Variants in MACROD2 observed in about 807,000 individuals in gnomAD.
The protein encoded by MACROD2 is mono-ADP ribosylhydrolase 2.
In MACROD2, 36 loss-of-function variants were observed where a neutral mutation model predicts 70.4. The observed-to-expected ratio is 0.51, with a 90% CI of 0.39 to 0.68. MACROD2 has a LOEUF of 0.68. Ranked by LOEUF, MACROD2 falls within the 30% of genes least tolerant of loss-of-function variation. The pLI is 0.00. For synonymous variants in MACROD2, 172 were observed against 178.8 expected (o/e 0.96, Z 0.30); for missense variants, 496 against 538.4 (o/e 0.92, Z 0.78).
intron 3 of MACROD2, among the ~76,000 whole-genome samples, chr20:14,417,421 G>A (rs2083821169): frequency 6.6e-6 from 1 of 152,126 alleles, no homozygotes; most frequent in Non-Finnish European, 1.5e-5. Context: ...GACAGAAAAT[G>A]ATAGGAAAGT....
At chr20:14,134,923 A>G (rs1306815831) in intron 3 of MACROD2, among the ~76,000 whole-genome samples, 2 of 151,998 alleles carry the variant, frequency 1.3e-5, no homozygotes, top group Non-Finnish European at 2.9e-5. Context: ...AGCTATTTCC[A>G]TTAAATATTT....
chr20:14,119,686 A>G (rs879915244), intron 3 of MACROD2, among the ~76,000 whole-genome samples: 7 of 152,170 alleles, frequency 4.6e-5, no homozygotes, highest in Admixed American at 2.0e-4. Context: ...TGACACTTAT[A>G]TGTCAAATAG....
chr20:15,738,132 A>G (rs2051052114), intron 8 of MACROD2, among the ~76,000 whole-genome samples: 1 of 152,192 alleles, frequency 6.6e-6, no homozygotes, highest in African/African-American at 2.4e-5. Flanking sequence ...AGTATTTGAT[A>G]GCACAGCAGG....
At chr20:15,843,259 A>G (rs1027005484) in intron 8 of MACROD2, among the ~76,000 whole-genome samples, 1 of 152,202 alleles carries the variant, frequency 6.6e-6, no homozygotes, top group African/African-American at 2.4e-5. Flanking sequence ...GGTTAGAACA[A>G]GTTCAAAGAA....
At chr20:15,827,067 G>C (rs1277571131) in intron 8 of MACROD2, among the ~76,000 whole-genome samples, 1 of 152,118 alleles carries the variant, frequency 6.6e-6, no homozygotes, top group South Asian at 2.1e-4. Flanking sequence ...TTTCTTGAAA[G>C]CCATTTTCTT....
intron 5 of MACROD2, among the ~76,000 whole-genome samples, chr20:14,695,899 G>A (rs2071120158): frequency 6.6e-6 from 1 of 152,102 alleles, no homozygotes; most frequent in African/African-American, 2.4e-5. Context: ...TTAAGTGCAG[G>A]GTAATTTGTT....
intron 6 of MACROD2, among the ~76,000 whole-genome samples, chr20:15,341,566 G>C (rs1427515991): frequency 2.0e-5 from 3 of 152,162 alleles, no homozygotes; most frequent in Non-Finnish European, 1.5e-5. Context: ...TAATGGTTTT[G>C]ACATATGTTA....
chr20:14,849,447 G>A (rs1199089006), intron 5 of MACROD2, among the ~76,000 whole-genome samples: 8 of 152,080 alleles, frequency 5.3e-5, no homozygotes, highest in Admixed American at 4.6e-4. Flanking sequence ...AGTAGGGAGT[G>A]AAGTCTAGGC....
intron 3 of MACROD2, among the ~76,000 whole-genome samples, chr20:14,093,567 G>A (rs6042526): frequency 0.013 from 1,926 of 152,114 alleles, 40 homozygotes; most frequent in African/African-American, 0.044. Flanking sequence ...ACCTCATGGG[G>A]ATGCTTGAAA....
chr20:14,576,769 A>T (rs1275283225), intron 4 of MACROD2, among the ~76,000 whole-genome samples: 2 of 152,226 alleles, frequency 1.3e-5, no homozygotes, highest in African/African-American at 4.8e-5. Flanking sequence ...TGGAGAAATG[A>T]AAAAGCAGTG....
At chr20:15,375,357 A>G (rs2045548242) in intron 6 of MACROD2, among the ~76,000 whole-genome samples, 1 of 152,122 alleles carries the variant, frequency 6.6e-6, no homozygotes, top group African/African-American at 2.4e-5. Context: ...GAAGAAAATT[A>G]AGCCTCCCCA....
chr20:14,024,973 A>G (rs2053140901), intron 2 of MACROD2, among the ~76,000 whole-genome samples: 1 of 152,200 alleles, frequency 6.6e-6, no homozygotes, highest in Admixed American at 6.5e-5. Flanking sequence ...TGACTCTGGT[A>G]GAATTCAATT....
chr20:14,190,673 C>CATGTATAT (rs1296053558), intron 3 of MACROD2, among the ~76,000 whole-genome samples: 1 of 39,134 alleles, frequency 2.6e-5, no homozygotes, highest in African/African-American at 1.3e-4. Context: ...GTATTCATTC[C>CATGTATAT]ATATATATAT....
chr20:15,070,546 T>A (rs928040642), intron 5 of MACROD2, among the ~76,000 whole-genome samples: 3 of 152,080 alleles, frequency 2.0e-5, no homozygotes, highest in African/African-American at 7.2e-5. Context: ...AGGGAGCAGA[T>A]CCCTCATGAA....
intron 8 of MACROD2, among the ~76,000 whole-genome samples, chr20:15,861,174 C>T (rs2064419459): frequency 6.6e-6 from 1 of 152,196 alleles, no homozygotes; most frequent in South Asian, 2.1e-4. Context: ...GATCCCTACA[C>T]TCTTGTATCT....
At chr20:14,437,374 C>T (rs1438927547) in intron 3 of MACROD2, among the ~76,000 whole-genome samples, 1 of 152,084 alleles carries the variant, frequency 6.6e-6, no homozygotes, top group African/African-American at 2.4e-5. Context: ...GCAGGTGAGT[C>T]ACAAGGTCAG....
rs1412037919 is a variant in MACROD2 at position 14,440,679 on chromosome 20, G to T, written c.272-52800G>T. 3.1e-4 allele frequency among the ~76,000 whole-genome samples: 47 copies of T among 152,154 alleles called. 1 individual carries two copies. Among genetic ancestry groups the T allele is most frequent in the Admixed American group, 3.0e-3 (46 of 15,274 alleles). ...TCACGCTTGTGCTACTTTTCCACAA[G>T]GTTGGCCTGGGGACATGGGTGTGGA... On this transcript the variant is annotated intron_variant, in intron 3 of 17. Transcript: ENST00000684519.
At chr20:14,189,773 C>A (rs965740664) in intron 3 of MACROD2, among the ~76,000 whole-genome samples, 3 of 152,134 alleles carry the variant, frequency 2.0e-5, no homozygotes, top group African/African-American at 4.8e-5. Flanking sequence ...GATCTCTCAA[C>A]TGTATTCTAT....
intron 13 of MACROD2, among the ~76,000 whole-genome samples, chr20:15,981,047 G>A (rs544161758): frequency 2.6e-4 from 40 of 152,236 alleles, no homozygotes; most frequent in Middle Eastern, 3.4e-3. Flanking sequence ...TTCGTTTTCC[G>A]CAGGAAGCAT....
Sources: gnomAD v4.1 joint callset for allele counts (sites outside exome capture counted in the v4.1 genomes callset) on GRCh38, gnomAD v4.1.1 for gene constraint, MANE v1.5 for transcripts, NCBI Gene and HGNC (gene_info 2026-07-23, HGNC 2026-07-21) for gene names.